The following MYO5C variants were observed in gnomAD, a reference collection of about 807,000 sequenced individuals.
MYO5C encodes myosin VC.
In MYO5C, 194 loss-of-function variants were observed where a neutral mutation model predicts 235.7. The ratio of observed to expected loss-of-function variants is 0.82; its 90% CI spans 0.73 to 0.93. The LOEUF is 0.93. Ranked by LOEUF, MYO5C falls within the 40% of genes least tolerant of loss-of-function variation. The pLI, the probability that MYO5C is intolerant of heterozygous loss-of-function variation, is 0.00. For missense variants in MYO5C, 2,038 were observed against 2,127.2 expected (o/e 0.96, Z 0.82); for synonymous variants, 707 against 754.8 (o/e 0.94, Z 1.04).
intron 12 of MYO5C, 149 bp downstream of exon 12, chr15:52,253,168 T>C (rs953391113): frequency 9.2e-5 from 76 of 828,844 alleles, no homozygotes; most frequent in Admixed American, 2.7e-5. Context: ...CTGGGGTCCC[T>C]GCTGTGGATG....
intron 11 of MYO5C, among the ~76,000 whole-genome samples, chr15:52,255,873 C>A (rs2036568058): frequency 1.3e-5 from 2 of 152,054 alleles, no homozygotes; most frequent in African/African-American, 4.8e-5. Context: ...ATAAACAAAT[C>A]TTCCCAGTGG....
rs1038875226 is a variant in MYO5C, at chr15:52,291,429, A to G, written c.27+4181T>C. 3.3e-5 allele frequency among the ~76,000 whole-genome samples: 5 copies of G among 152,204 alleles called. No individual in the cohort carries two copies. In the South Asian group the frequency reaches 1.0e-3, roughly 32 times the overall value. On this transcript the variant is annotated intron_variant, in intron 1 of 40. Transcript: ENST00000261839. ...TATCTCTGTGCCTTCAACTCCTGCCACTGTGGCCTCAGGCCCTCACTCCTT... is the reference window on the plus strand; with the variant it reads ...TATCTCTGTGCCTTCAACTCCTGCCGCTGTGGCCTCAGGCCCTCACTCCTT...
intron 38 of MYO5C, among the ~76,000 whole-genome samples, chr15:52,197,180 T>C (rs1302935942): frequency 3.3e-5 from 5 of 152,198 alleles, no homozygotes; most frequent in Non-Finnish European, 7.3e-5. Flanking sequence ...CAAAACTCTG[T>C]ACACAAATGT....
intron 1 of MYO5C, among the ~76,000 whole-genome samples, chr15:52,292,562 TA>T (rs1472252170): frequency 6.6e-6 from 1 of 152,174 alleles, no homozygotes; most frequent in African/African-American, 2.4e-5. Context: ...CACATAGAGA[TA>T]AAAATAACAT....
intron 33 of MYO5C, 130 bp downstream of exon 33, chr15:52,214,473 A>G (rs1440601378): frequency 7.7e-6 from 5 of 645,804 alleles, no homozygotes; most frequent in Non-Finnish European, 7.6e-6. Context: ...GCCCAGCACT[A>G]GGTCACAAAC....
intron 4 of MYO5C, chr15:52,277,036 G>A: frequency 2.2e-6 from 1 of 462,470 alleles, no homozygotes; most frequent in South Asian, 1.6e-5. Flanking sequence ...CCATGTAAAT[G>A]CTAGAGGAGA....
chr15:52,223,529 T>C lies in MYO5C; in HGVS notation c.3627+15A>G. On this transcript the variant is annotated intron_variant, in intron 29 of 40. Transcript: ENST00000261839. Reference sequence around the variant, plus strand: ...GTATGATGGCCACGACTGGGGCCCCTGGCTGAGACCATACCATGTTCTCTG... The same window carrying C: ...GTATGATGGCCACGACTGGGGCCCCCGGCTGAGACCATACCATGTTCTCTG... The C allele has an allele frequency of 6.2e-7, 1 of 1,606,944 alleles. No homozygotes were observed. The highest frequency in any genetic ancestry group is 8.5e-7 in the Non-Finnish European group (1 of 1,176,006).
Position 52,275,668 on chromosome 15 carries a change from T to A in MYO5C, c.500A>T (p.Lys167Met). The change falls in exon 5 of 41, where the codon AAG becomes ATG. Residue 167 changes from lysine to methionine, a missense_variant. Lys to Met is a moderately conservative substitution (Grantham distance 95). Transcript: ENST00000261839. The part of the protein sequence containing the change: ...IIVSGESGAG[K>M]TVSARYAMRY... ...CATGGCATAGCGAGCCGACACTGTC[T>A]TTCCAGCACCTGACTCCCCACTTAC... 1.2e-6 allele frequency: 2 copies of A among 1,614,216 alleles called. No homozygotes were observed. The highest frequency in any genetic ancestry group is 1.7e-6 in the Non-Finnish European group (2 of 1,180,032).
At chr15:52,266,717 C>T (rs1046301874) in intron 8 of MYO5C, among the ~76,000 whole-genome samples, 3 of 152,198 alleles carry the variant, frequency 2.0e-5, no homozygotes, top group Admixed American at 6.5e-5. Context: ...CAGTGCCCAC[C>T]GCAATATGAG....
chr15:52,278,145 G>T, intron 4 of MYO5C: 1 of 350,014 alleles, frequency 2.9e-6, no homozygotes, highest in Non-Finnish European at 5.7e-6. Context: ...AAGATAGGGT[G>T]GTGTTTCTAT....
At chr15:52,268,890 C>T (rs1464266933) in intron 8 of MYO5C, among the ~76,000 whole-genome samples, 1 of 152,216 alleles carries the variant, frequency 6.6e-6, no homozygotes. Context: ...AATCAGTTGC[C>T]TAATGTTGGG....
intron 12 of MYO5C, among the ~76,000 whole-genome samples, chr15:52,251,833 T>C (rs1488245344): frequency 6.6e-6 from 1 of 151,924 alleles, no homozygotes; most frequent in Admixed American, 6.6e-5. Context: ...CCTGACTAAT[T>C]TTTGTATTTT....
chr15:52,274,680 C>CCA (rs2037003430), intron 5 of MYO5C, among the ~76,000 whole-genome samples: 1 of 148,334 alleles, frequency 6.7e-6, no homozygotes, highest in Admixed American at 6.7e-5. Flanking sequence ...ACCCCCCCCC[C>CCA]GACATATGTT....
intron 4 of MYO5C, 90 bp downstream of exon 4, chr15:52,278,783 A>G: frequency 6.6e-7 from 1 of 1,506,648 alleles, no homozygotes; most frequent in Non-Finnish European, 9.1e-7. Flanking sequence ...TAATGAGCCC[A>G]ACCTAGATAT....
intron 38 of MYO5C, among the ~76,000 whole-genome samples, 195 bp from the exon 39 acceptor site, chr15:52,196,678 C>G (rs2035060294): frequency 6.6e-6 from 1 of 152,104 alleles, no homozygotes; most frequent in Non-Finnish European, 1.5e-5. Flanking sequence ...GTGGTCTAGG[C>G]TGAGGGGCCG....
chr15:52,271,966 T>A, intron 6 of MYO5C, 122 bp from the exon 7 acceptor site: 1 of 525,428 alleles, frequency 1.9e-6, no homozygotes, highest in Non-Finnish European at 3.2e-6. Context: ...TGGGATGTGA[T>A]CTGGCCAGTT....
chr15:52,269,721 G>T, intron 8 of MYO5C, 32 bp downstream of exon 8: 3 of 1,414,474 alleles, frequency 2.1e-6, no homozygotes, highest in Non-Finnish European at 3.0e-6. Flanking sequence ...AGAGAAAATG[G>T]CTACATACTT....
intron 39 of MYO5C, 92 bp downstream of exon 39, chr15:52,196,217 G>A (rs903600311): frequency 7.9e-7 from 1 of 1,270,212 alleles, no homozygotes; most frequent in East Asian, 2.5e-5. Context: ...ACAGAATCAG[G>A]GTGCCCACAG....
intron 29 of MYO5C, among the ~76,000 whole-genome samples, chr15:52,222,025 C>T (rs2141287056): frequency 6.6e-6 from 1 of 152,302 alleles, no homozygotes; most frequent in Admixed American, 6.5e-5. Flanking sequence ...AGACATTCAA[C>T]ACTTTATTAT....
Sources: allele counts gnomAD v4.1 joint callset (sites outside exome capture counted in the v4.1 genomes callset), GRCh38; gene constraint gnomAD v4.1.1; transcripts MANE v1.5; gene names NCBI Gene and HGNC (gene_info 2026-07-23, HGNC 2026-07-21).